FHIT: variants seen among roughly 807,000 people sequenced by gnomAD.
FHIT encodes bis(5'-adenosyl)-triphosphatase.
FHIT carries 19 observed loss-of-function variants against 17.9 expected under a neutral mutation model. The observed-to-expected ratio is 1.06, with a 90% CI of 0.74 to 1.56. The LOEUF (loss-of-function observed/expected upper bound fraction) is 1.56, where lower values mean the gene tolerates loss of function less well. Among genes scored for constraint, FHIT ranks in the 40% most tolerant of loss-of-function variants. The pLI is 0.00. For missense variants in FHIT, 248 were observed against 189.2 expected (o/e 1.31, Z -1.82); for synonymous variants, 81 against 69.7 (o/e 1.16, Z -0.81).
chr3:60,415,102 G>T (rs1368928659), intron 5 of FHIT, among the ~76,000 whole-genome samples: 4 of 152,080 alleles, frequency 2.6e-5, no homozygotes, highest in Non-Finnish European at 5.9e-5. Context: ...GTAGATTAAG[G>T]ACCACAGTTT....
intron 2 of FHIT, among the ~76,000 whole-genome samples, chr3:61,155,328 C>G (rs190992607): frequency 6.6e-6 from 1 of 152,056 alleles, no homozygotes; most frequent in Admixed American, 6.6e-5. Context: ...AAAACAGATG[C>G]TAAATAATAA....
In FHIT at chr3:60,672,584, G is replaced by C. The variant is rs144258513; in HGVS notation, c.-17-135605C>G. On this transcript the variant is annotated intron_variant, in intron 4 of 9. Transcript: ENST00000492590. ...TCTTTTGTGATTCTTCAGTTACTTCGGGCCATCTGGGCGTATACGTGCAAG... is the reference window on the plus strand; with the variant it reads ...TCTTTTGTGATTCTTCAGTTACTTCCGGCCATCTGGGCGTATACGTGCAAG... Among the ~76,000 whole-genome samples, 103 of 152,236 alleles carry C rather than the reference G, an allele frequency of 6.8e-4. 1 individual carries two copies. The East Asian group carries it at 0.018, about 26-fold the overall frequency.
intron 8 of FHIT, among the ~76,000 whole-genome samples, chr3:59,803,432 G>A (rs1023048074): frequency 6.6e-6 from 1 of 152,202 alleles, no homozygotes; most frequent in Non-Finnish European, 1.5e-5. Flanking sequence ...ATGGAGAAGA[G>A]ACCTCCGCCA....
At chr3:61,206,768 G>T (rs927096277) in intron 1 of FHIT, among the ~76,000 whole-genome samples, 25 of 151,996 alleles carry the variant, frequency 1.6e-4, no homozygotes, top group African/African-American at 5.8e-4. Context: ...CTGCAAACAG[G>T]GACAATTTGA....
intron 7 of FHIT, among the ~76,000 whole-genome samples, chr3:59,946,117 A>C (rs188555840): frequency 6.6e-6 from 1 of 152,338 alleles, no homozygotes; most frequent in Admixed American, 6.5e-5. Flanking sequence ...TGCTTTGGGC[A>C]GTGTGGCCAT....
At chr3:59,921,790 C>CTTTG (rs1445670437) in intron 8 of FHIT, among the ~76,000 whole-genome samples, 45 of 152,222 alleles carry the variant, frequency 3.0e-4, no homozygotes, top group Non-Finnish European at 2.1e-4. Context: ...GTAGTGGTTT[C>CTTTG]ACACTTGTAT....
intron 8 of FHIT, among the ~76,000 whole-genome samples, chr3:59,908,623 C>A (rs760101579): frequency 2.0e-5 from 3 of 152,076 alleles, no homozygotes; most frequent in African/African-American, 7.2e-5. Flanking sequence ...CCAAGGACAA[C>A]AGAATCCCTG....
chr3:60,120,451 G>A (rs1705196448), intron 5 of FHIT, among the ~76,000 whole-genome samples: 2 of 152,224 alleles, frequency 1.3e-5, no homozygotes, highest in African/African-American at 4.8e-5. Context: ...CACCATGGAA[G>A]GCATAATTTT....
chr3:59,905,671 T>C (rs1349902467), intron 8 of FHIT, among the ~76,000 whole-genome samples: 1 of 152,204 alleles, frequency 6.6e-6, no homozygotes, highest in Admixed American at 6.5e-5. Flanking sequence ...TTTTAAGCTG[T>C]CTCTTAGATA....
intron 5 of FHIT, among the ~76,000 whole-genome samples, chr3:60,055,564 CTG>C (rs1030418726): frequency 6.6e-6 from 1 of 151,398 alleles, no homozygotes; most frequent in African/African-American, 2.4e-5. Context: ...CCAAGAAAAA[CTG>C]TATTGCAAAC....
chr3:60,791,002 C>G (rs141339761), intron 4 of FHIT, among the ~76,000 whole-genome samples: 2 of 152,010 alleles, frequency 1.3e-5, no homozygotes, highest in Non-Finnish European at 2.9e-5. Context: ...AATAGTGAAC[C>G]AAATGTAATA....
At chr3:60,337,348 C>T (rs1350217126) in intron 5 of FHIT, among the ~76,000 whole-genome samples, 8 of 151,940 alleles carry the variant, frequency 5.3e-5, no homozygotes, top group Admixed American at 2.0e-4. Flanking sequence ...AACTCGGTTT[C>T]GTGGCTTTAC....
intron 4 of FHIT, among the ~76,000 whole-genome samples, chr3:60,680,977 A>C (rs542482637): frequency 6.6e-6 from 1 of 152,380 alleles, no homozygotes; most frequent in Admixed American, 6.5e-5. Flanking sequence ...TGTTAATTGT[A>C]GAAGTCATCA....
At chr3:61,187,723 G>T (rs1016359627) in intron 2 of FHIT, among the ~76,000 whole-genome samples, 1 of 152,076 alleles carries the variant, frequency 6.6e-6, no homozygotes, top group Non-Finnish European at 1.5e-5. Context: ...GAAATTAGAA[G>T]AAACTGTCTC....
rs540307622 is a variant in FHIT at position 60,493,548 on chromosome 3, A to G, written c.103+43312T>C. On this transcript the variant is annotated intron_variant, in intron 5 of 9. Transcript: ENST00000492590. The stretch of plus-strand genomic sequence containing the variant: ...ATGTCAATTTTAAAGAAGTGTGCTT[A>G]CATTTGCATTTTAATTAGGTCACAC... Among the ~76,000 whole-genome samples, 37 of 152,320 alleles carry G rather than the reference A, an allele frequency of 2.4e-4. No individual in the cohort carries two copies. The South Asian group carries it at 6.6e-3, about 27-fold the overall frequency.
chr3:61,178,332 A>G (rs1428425663), intron 2 of FHIT, among the ~76,000 whole-genome samples: 2 of 151,854 alleles, frequency 1.3e-5, no homozygotes, highest in Admixed American at 6.6e-5. Context: ...CCACTTGCAC[A>G]CCCAACAGAG....
intron 8 of FHIT, among the ~76,000 whole-genome samples, chr3:59,777,353 G>A (rs183002237): frequency 1.3e-4 from 19 of 151,712 alleles, no homozygotes; most frequent in Admixed American, 9.8e-4. Flanking sequence ...TGTGTAGTGG[G>A]CACCTATATT....
intron 5 of FHIT, among the ~76,000 whole-genome samples, chr3:60,248,808 A>AC (rs1024873385): frequency 2.0e-5 from 3 of 152,058 alleles, no homozygotes; most frequent in African/African-American, 7.2e-5. Context: ...GCTGTGACTC[A>AC]CCCCTTTTTC....
intron 5 of FHIT, among the ~76,000 whole-genome samples, chr3:60,279,384 C>T (rs543752462): frequency 6.6e-6 from 1 of 152,212 alleles, no homozygotes; most frequent in East Asian, 1.9e-4. Context: ...ATATCTATAT[C>T]TGTATCTTTT....
Sources: allele counts gnomAD v4.1 joint callset (sites outside exome capture counted in the v4.1 genomes callset), GRCh38; gene constraint gnomAD v4.1.1; transcripts MANE v1.5; gene names NCBI Gene and HGNC (gene_info 2026-07-23, HGNC 2026-07-21).